The following PPP1R9A variants were observed in gnomAD, a reference collection of about 807,000 sequenced individuals.
PPP1R9A encodes protein phosphatase 1 regulatory subunit 9A.
Under a neutral mutation model 141.9 loss-of-function variants are expected in PPP1R9A, and 59 were observed. The ratio of observed to expected loss-of-function variants is 0.42; its 90% CI spans 0.34 to 0.52. PPP1R9A has a LOEUF of 0.52. Among genes scored for constraint, PPP1R9A ranks in the 20% least tolerant of loss-of-function variants. The probability of loss-of-function intolerance (pLI) is 0.10; values close to 1 mark genes in which losing one functional copy is unlikely to be tolerated. For missense variants in PPP1R9A, 1,444 were observed against 1,611.9 expected (o/e 0.90, Z 1.78); for synonymous variants, 500 against 569.7 (o/e 0.88, Z 1.74).
At chr7:95,209,569 G>A (rs1041575763) in intron 7 of PPP1R9A, among the ~76,000 whole-genome samples, 5 of 152,142 alleles carry the variant, frequency 3.3e-5, no homozygotes, top group East Asian at 1.9e-4. Flanking sequence ...AGCCATGTGA[G>A]GAAAGGACTA....
chr7:95,122,924 C>T (rs906954766), intron 4 of PPP1R9A, among the ~76,000 whole-genome samples: 5 of 151,820 alleles, frequency 3.3e-5, no homozygotes, highest in South Asian at 2.1e-4. Context: ...GGAAATAATG[C>T]TACAGTTAGT....
At chr7:95,184,358 A>C (rs1459082950) in intron 5 of PPP1R9A, among the ~76,000 whole-genome samples, 2 of 152,216 alleles carry the variant, frequency 1.3e-5, no homozygotes, top group Non-Finnish European at 2.9e-5. Flanking sequence ...TGTTTCAGGT[A>C]TTAAATGTAC....
chr7:95,184,827 A>G (rs1834382744), intron 5 of PPP1R9A, among the ~76,000 whole-genome samples: 1 of 151,912 alleles, frequency 6.6e-6, no homozygotes, highest in Non-Finnish European at 1.5e-5. Context: ...GTAGTATTCC[A>G]TGCTGTATAT....
chr7:94,917,416 A>T (rs557898822), intron 2 of PPP1R9A, among the ~76,000 whole-genome samples: 1 of 151,294 alleles, frequency 6.6e-6, no homozygotes, highest in Non-Finnish European at 1.5e-5. Flanking sequence ...AATTTAATTA[A>T]TTTTTTTTGA....
intron 2 of PPP1R9A, among the ~76,000 whole-genome samples, chr7:95,104,644 G>A (rs978026399): frequency 2.6e-5 from 4 of 151,924 alleles, no homozygotes; most frequent in Non-Finnish European, 5.9e-5. Context: ...ACATACTCCC[G>A]GGCACACACT....
At chr7:95,051,184 T>C (rs529129200) in intron 2 of PPP1R9A, among the ~76,000 whole-genome samples, 31 of 152,120 alleles carry the variant, frequency 2.0e-4, no homozygotes, top group Non-Finnish European at 4.4e-4. Context: ...ATTGATTCTT[T>C]TTTTTTTCTT....
intron 2 of PPP1R9A, among the ~76,000 whole-genome samples, chr7:94,942,631 T>C (rs1328887195): frequency 1.3e-5 from 2 of 151,834 alleles, no homozygotes; most frequent in African/African-American, 2.4e-5. Context: ...AATGAAAACC[T>C]GTCTCAACTA....
At chr7:95,274,818 T>C (rs1253355627) in intron 16 of PPP1R9A, among the ~76,000 whole-genome samples, 1 of 152,216 alleles carries the variant, frequency 6.6e-6, no homozygotes, top group Non-Finnish European at 1.5e-5. Flanking sequence ...CCCAGCTGCC[T>C]GGATTTGAAT....
chr7:95,169,832 T>G (rs1485165208), intron 5 of PPP1R9A, among the ~76,000 whole-genome samples: 6 of 151,864 alleles, frequency 4.0e-5, no homozygotes, highest in African/African-American at 1.2e-4. Flanking sequence ...AAAAAATATC[T>G]TTATATCTGG....
intron 12 of PPP1R9A, among the ~76,000 whole-genome samples, chr7:95,252,906 A>G (rs1346203294): frequency 6.6e-6 from 1 of 152,218 alleles, no homozygotes; most frequent in Non-Finnish European, 1.5e-5. Flanking sequence ...TGTACTGTGT[A>G]TACTTCTTAG....
chr7:94,951,912 A>C (rs1173020713), intron 2 of PPP1R9A, among the ~76,000 whole-genome samples: 1 of 151,786 alleles, frequency 6.6e-6, no homozygotes, highest in Non-Finnish European at 1.5e-5. Context: ...ACTCTACTTT[A>C]AAACCATTTT....
chr7:95,244,605 A>G (rs985724583), intron 8 of PPP1R9A, among the ~76,000 whole-genome samples: 1 of 152,178 alleles, frequency 6.6e-6, no homozygotes, highest in African/African-American at 2.4e-5. Context: ...CGAGGAGTTA[A>G]TAAAATCTGT....
chr7:94,929,070 C>A (rs1440951116), intron 2 of PPP1R9A, among the ~76,000 whole-genome samples: 1 of 152,110 alleles, frequency 6.6e-6, no homozygotes, highest in African/African-American at 2.4e-5. Context: ...TTAATATAGA[C>A]CTATTAAAAT....
intron 5 of PPP1R9A, among the ~76,000 whole-genome samples, chr7:95,184,693 C>T (rs1834364489): frequency 6.6e-6 from 1 of 152,142 alleles, no homozygotes; most frequent in Non-Finnish European, 1.5e-5. Flanking sequence ...GCTTAGCTCC[C>T]ACATATAAGT....
chr7:95,092,979 G>A (rs1817556678), intron 2 of PPP1R9A, among the ~76,000 whole-genome samples: 1 of 152,158 alleles, frequency 6.6e-6, no homozygotes, highest in Non-Finnish European at 1.5e-5. Flanking sequence ...ATGGACATTT[G>A]AGTGCAACTA....
rs1807079556 is a variant in PPP1R9A at position 95,296,197 on chromosome 7, TCTC to T, written c.*5895_*5897del. ...CTCTTGTGCTTGGTTAATATGTACT[TCTC>T]TAGATTGTTCAAAAAGTTTCAAATG... On this transcript the variant is annotated 3_prime_UTR_variant, in exon 20 of 20. Transcript: ENST00000433360. 1 of 152,652 alleles carries T rather than the reference TCTC, an allele frequency of 6.6e-6. No homozygotes were observed. Among genetic ancestry groups the T allele is most frequent in the African/African-American group, 2.4e-5 (1 of 41,468 alleles). 9.5% of individuals were successfully genotyped at this position (152,652 alleles called of 1,614,324 possible).
chr7:95,223,085 A>G (rs1390546913), intron 7 of PPP1R9A, among the ~76,000 whole-genome samples: 1 of 152,004 alleles, frequency 6.6e-6, no homozygotes, highest in East Asian at 1.9e-4. Context: ...CTTAGCCTAT[A>G]ATAAGTAATA....
At chr7:94,936,626 A>G (rs1794784665) in intron 2 of PPP1R9A, among the ~76,000 whole-genome samples, 1 of 150,768 alleles carries the variant, frequency 6.6e-6, no homozygotes, top group Non-Finnish European at 1.5e-5. Flanking sequence ...AAAACCTTTC[A>G]CTAAGTATGG....
At chr7:95,147,869 T>G (rs1827926504) in intron 4 of PPP1R9A, among the ~76,000 whole-genome samples, 1 of 152,194 alleles carries the variant, frequency 6.6e-6, no homozygotes, top group South Asian at 2.1e-4. Context: ...ATGGATAACT[T>G]TTTTGATGTG....
Sources: allele counts gnomAD v4.1 joint callset (sites outside exome capture counted in the v4.1 genomes callset), GRCh38; gene constraint gnomAD v4.1.1; transcripts MANE v1.5; gene names NCBI Gene and HGNC (gene_info 2026-07-23, HGNC 2026-07-21).